COL4A1: variants seen among roughly 807,000 people sequenced by gnomAD.
COL4A1 encodes the protein collagen alpha-1(IV) chain.
In COL4A1, 40 loss-of-function variants were observed where a neutral mutation model predicts 216.6. That is an observed-to-expected ratio of 0.18 (90% CI 0.14 to 0.24). The LOEUF (loss-of-function observed/expected upper bound fraction) is 0.24, where lower values mean the gene tolerates loss of function less well. Ranked by LOEUF, COL4A1 falls within the 10% of genes least tolerant of loss-of-function variation. The probability of loss-of-function intolerance (pLI) is 1.00; values close to 1 mark genes in which losing one functional copy is unlikely to be tolerated. For missense variants in COL4A1, 1,628 were observed against 2,196.8 expected, an observed-to-expected ratio of 0.74 and a Z score of 5.18; for synonymous variants, 839 against 810.7, an observed-to-expected ratio of 1.03 and a Z score of -0.59.
chr13:110,307,021 G>T lies in COL4A1; in HGVS notation c.7C>A (p.Pro3Thr), dbSNP rs751749989. Residue 3 changes from proline to threonine, a missense_variant, in exon 1 of 52, where the codon CCC (proline) becomes ACC (threonine). Around this residue, in one of 8 missense-constraint regions of COL4A1, gnomAD observed 74 missense variants for 61.7 expected, o/e 1.20. Transcript: ENST00000375820. The surrounding 1 kb of genome is among the most constrained non-coding windows in gnomAD (Gnocchi z 5.0). Reference sequence around the variant, plus strand: ...AGCAGCAGCCAGACGCTGAGCCGGGGCCCCATGGTGGCGCGCCCGAGGCGG... The same window carrying T: ...AGCAGCAGCCAGACGCTGAGCCGGGTCCCCATGGTGGCGCGCCCGAGGCGG... Reference protein sequence around the residue: MGPRLSVWLLLLP... With the variant: MGTRLSVWLLLLP... 6.6e-4 allele frequency: 971 copies of T among 1,464,626 alleles called. 1 individual carries two copies. Among genetic ancestry groups the T allele is most frequent in the Non-Finnish European group, 7.2e-4 (803 of 1,113,208 alleles). 90.7% of individuals were successfully genotyped at this position (1,464,626 alleles called of 1,614,324 possible).
intron 1 of COL4A1, among the ~76,000 whole-genome samples, chr13:110,254,895 C>G (rs1450725085): frequency 6.6e-6 from 1 of 152,232 alleles, no homozygotes; most frequent in Non-Finnish European, 1.5e-5. Context: ...CACTTGGTAG[C>G]AATTTAATGA....
chr13:110,199,470 C>T (rs1030353545), intron 20 of COL4A1, among the ~76,000 whole-genome samples: 1 of 152,220 alleles, frequency 6.6e-6, no homozygotes, highest in African/African-American at 2.4e-5. Context: ...CCAAGGCAGC[C>T]AAGAGCCCCG....
At chr13:110,170,057 AGGGGAGGGAGGAGGGGAGGGGAGGGG>A (rs1434164926) in intron 42 of COL4A1, among the ~76,000 whole-genome samples, 2 of 92,600 alleles carry the variant, frequency 2.2e-5, no homozygotes, top group African/African-American at 8.3e-5. Flanking sequence ...GGGAGGAAGG[AGGGGAGGGAGGAGGGGAGGGGAGGGG>A]AAGGAGGGAG....
At position 110,161,185 on chromosome 13, in the gene COL4A1, G is replaced by A. The variant is rs2275843; in HGVS notation, c.4640+7C>T. 0.16 allele frequency: 259,142 copies of A among 1,611,832 alleles called. 21,864 individuals carry two copies. The highest frequency in any genetic ancestry group is 0.31 in the East Asian group (14,046 of 44,814). Reference sequence around the variant, plus strand: ...TTTGCATTTGTTCCTACAGATGCTCGACTCACCTACTAATAAATGGTCTTA... The same window carrying A: ...TTTGCATTTGTTCCTACAGATGCTCAACTCACCTACTAATAAATGGTCTTA... On this transcript the variant is annotated splice_region_variant and intron_variant, in intron 49 of 51. Coordinates refer to ENST00000375820, the MANE Select transcript of COL4A1 (RefSeq NM_001845.6).
Position 110,213,733 on chromosome 13 carries a change from G to A in COL4A1, c.279+49C>T, listed in dbSNP as rs201781929. The stretch of plus-strand genomic sequence containing the variant: ...AAAAGGTGCCCGGCTCTGGAAGCGG[G>A]CCTGTCCCACGCATGGAATCATCGA... On this transcript the variant is annotated intron_variant, in intron 4 of 51. Transcript: ENST00000375820. The A allele has an allele frequency of 7.1e-5, 112 of 1,586,966 alleles. No individual in the cohort carries two copies. The East Asian group carries it at 2.5e-3, about 35-fold the overall frequency.
intron 1 of COL4A1, among the ~76,000 whole-genome samples, chr13:110,262,713 C>T (rs908440659): frequency 6.6e-6 from 1 of 152,222 alleles, no homozygotes; most frequent in Admixed American, 6.5e-5. Flanking sequence ...CAGGGAAACA[C>T]GCATCTCCTG....
In COL4A1 at chr13:110,228,675, C is replaced by T. The variant is rs9301439; in HGVS notation, c.144+14000G>A. 1.9e-3 allele frequency among the ~76,000 whole-genome samples: 282 copies of T among 152,316 alleles called. 1 individual carries two copies. Among genetic ancestry groups the T allele is most frequent in the African/African-American group, 6.4e-3 (267 of 41,570 alleles). On this transcript the variant is annotated intron_variant, in intron 2 of 51. Transcript: ENST00000375820. ...TGTTCCTAAATTATCATCTATTTCCCCCTCCCTTTGGGTTCACGGCCTTAT... is the reference window on the plus strand; with the variant it reads ...TGTTCCTAAATTATCATCTATTTCCTCCTCCCTTTGGGTTCACGGCCTTAT...
At chr13:110,302,384 CAAG>C (rs972539001) in intron 1 of COL4A1, among the ~76,000 whole-genome samples, 49 of 152,152 alleles carry the variant, frequency 3.2e-4, no homozygotes, top group African/African-American at 9.2e-4. Flanking sequence ...AACTGGAGTT[CAAG>C]AAGGAGTTCT....
intron 14 of COL4A1, 23 bp downstream of exon 14, chr13:110,206,842 A>C (rs1222626189): frequency 2.5e-6 from 4 of 1,614,058 alleles, no homozygotes; most frequent in Non-Finnish European, 3.4e-6. Context: ...CCTAAAAATG[A>C]TAGGCAGAAA....
chr13:110,202,769 C>T (rs1490783239), intron 18 of COL4A1, among the ~76,000 whole-genome samples: 4 of 152,192 alleles, frequency 2.6e-5, no homozygotes, highest in African/African-American at 7.2e-5. Context: ...TTAAATGTCA[C>T]ACACATCACT....
At chr13:110,208,779 A>T in intron 12 of COL4A1, 70 bp downstream of exon 12, 3 of 1,419,232 alleles carry the variant, frequency 2.1e-6, no homozygotes, top group Non-Finnish European at 3.0e-6. Flanking sequence ...ACATTGATCC[A>T]AAGGTGGGAA....
intron 1 of COL4A1, among the ~76,000 whole-genome samples, chr13:110,283,323 A>G (rs1457211247): frequency 6.6e-6 from 1 of 152,256 alleles, no homozygotes; most frequent in Non-Finnish European, 1.5e-5. Flanking sequence ...TTTAAATCAT[A>G]CATTTGCTTT....
chr13:110,284,167 A>G (rs1276237415), intron 1 of COL4A1, among the ~76,000 whole-genome samples: 1 of 152,218 alleles, frequency 6.6e-6, no homozygotes, highest in East Asian at 1.9e-4. Flanking sequence ...TCCCCCAGGT[A>G]GAATCATCTA....
chr13:110,198,394 C>T (rs926593903), intron 21 of COL4A1, 73 bp downstream of exon 21: 2 of 1,574,210 alleles, frequency 1.3e-6, no homozygotes, highest in African/African-American at 1.3e-5. Flanking sequence ...CTATCACAGC[C>T]CCCAACCTGG....
intron 43 of COL4A1, among the ~76,000 whole-genome samples, chr13:110,169,157 G>A (rs1332025228): frequency 6.6e-6 from 1 of 152,080 alleles, no homozygotes; most frequent in African/African-American, 2.4e-5. Flanking sequence ...GATCAGGTCA[G>A]TAAAGAAAGA....
intron 24 of COL4A1, among the ~76,000 whole-genome samples, chr13:110,189,352 C>T (rs921670045): frequency 4.6e-5 from 7 of 152,220 alleles, no homozygotes; most frequent in Non-Finnish European, 8.8e-5. Context: ...CGTGAGCCAC[C>T]GTACCCAGCA....
At chr13:110,303,817 T>G (rs1006106256) in intron 1 of COL4A1, among the ~76,000 whole-genome samples, 4 of 152,212 alleles carry the variant, frequency 2.6e-5, no homozygotes, top group African/African-American at 7.2e-5. Flanking sequence ...CCCTGCCGCA[T>G]GGCCAGCACC....
chr13:110,168,167 G>A (rs1822851), intron 43 of COL4A1, among the ~76,000 whole-genome samples: 23,491 of 152,032 alleles, frequency 0.15, 1,939 homozygotes, highest in Middle Eastern at 0.2. Flanking sequence ...TTACAGGCAT[G>A]AGCCACCATG....
rs1304507686 is a variant in COL4A1 at position 110,150,224 on chromosome 13, T to TA, written c.*138dup. On this transcript the variant is annotated 3_prime_UTR_variant, in exon 52 of 52. Transcript: ENST00000375820. The stretch of plus-strand genomic sequence containing the variant: ...GGTCAATGAAGCAGGGTGTGTTAGT[T>TA]ACGCAAATTCCTATAAGGCACTTTA... 8 of 799,040 alleles carry TA rather than the reference T, an allele frequency of 1.0e-5. No individual in the cohort carries two copies. The African/African-American group carries it at 1.2e-4, about 12-fold the overall frequency. The allele number at this position is 799,040 out of a possible 1,614,324, so 49.5% of individuals were successfully genotyped here.
Sources: allele counts gnomAD v4.1 joint callset (sites outside exome capture counted in the v4.1 genomes callset), GRCh38; gene constraint gnomAD v4.1.1; regional missense constraint gnomAD v4.1.1; non-coding constraint Gnocchi (gnomAD v3.1); transcripts MANE v1.5; gene names NCBI Gene and HGNC (gene_info 2026-07-23, HGNC 2026-07-21).